Variants in RBMS3 observed in about 807,000 individuals in gnomAD.
The protein encoded by RBMS3 is RNA binding motif single stranded interacting protein 3, also known as RNA-binding motif, single-stranded-interacting protein 3.
Under a neutral mutation model 66.8 loss-of-function variants are expected in RBMS3, and 27 were observed. The observed-to-expected ratio is 0.40, with a 90% CI of 0.30 to 0.56. RBMS3 has a LOEUF of 0.56. Among genes scored for constraint, RBMS3 ranks in the 20% least tolerant of loss-of-function variants. The pLI, the probability that RBMS3 is intolerant of heterozygous loss-of-function variation, is 0.40. For synonymous variants in RBMS3, 188 were observed against 183.0 expected (o/e 1.03, Z -0.22); for missense variants, 513 against 549.5 (o/e 0.93, Z 0.66).
chr3:29,756,562 A>T (rs2055423458), intron 5 of RBMS3, among the ~76,000 whole-genome samples: 2 of 151,980 alleles, frequency 1.3e-5, no homozygotes, highest in Admixed American at 6.5e-5. Flanking sequence ...TGAGAACAGC[A>T]CAGAAAAAAA....
rs372628203 is a variant in RBMS3, at chr3:29,910,055, A to C, written c.939+10300A>C. On this transcript the variant is annotated intron_variant, in intron 10 of 14. Transcript: ENST00000383767. ...GTATCACAGCTTTGCCAGTTCCTTC[A>C]TAAAGATGTAGATGATGTTACTTCC... 5.9e-5 allele frequency among the ~76,000 whole-genome samples: 9 copies of C among 152,248 alleles called. No individual in the cohort carries two copies. The East Asian group carries it at 1.4e-3, about 23-fold the overall frequency.
At chr3:29,713,797 G>A (rs2053271615) in intron 4 of RBMS3, among the ~76,000 whole-genome samples, 1 of 152,172 alleles carries the variant, frequency 6.6e-6, no homozygotes, top group East Asian at 1.9e-4. Context: ...GCTCACATCA[G>A]TAATCCCAGC....
chr3:29,512,973 T>C (rs1002932626), intron 3 of RBMS3, among the ~76,000 whole-genome samples: 4 of 152,204 alleles, frequency 2.6e-5, no homozygotes, highest in Admixed American at 6.5e-5. Context: ...TAGGTTCCAC[T>C]TGAGAGGTAA....
intron 1 of RBMS3, among the ~76,000 whole-genome samples, chr3:29,343,423 T>A (rs2036395399): frequency 1.3e-5 from 2 of 152,100 alleles, no homozygotes; most frequent in South Asian, 4.1e-4. Flanking sequence ...TTAGTCTGAG[T>A]GAATTATTTT....
intron 4 of RBMS3, among the ~76,000 whole-genome samples, chr3:29,681,235 G>A (rs1036815310): frequency 1.3e-5 from 2 of 152,106 alleles, no homozygotes; most frequent in African/African-American, 4.8e-5. Context: ...ATTAGTGTAA[G>A]AATGAAAAAA....
chr3:29,343,588 A>G (rs1431224954), intron 1 of RBMS3, among the ~76,000 whole-genome samples: 9 of 152,288 alleles, frequency 5.9e-5, no homozygotes, highest in Admixed American at 4.6e-4. Context: ...AGAAAAAAAA[A>G]TGTTCCTAAC....
At chr3:29,922,447 ACTGCAGT>A (rs1323656555) in intron 10 of RBMS3, among the ~76,000 whole-genome samples, 10 of 144,428 alleles carry the variant, frequency 6.9e-5, no homozygotes, top group African/African-American at 2.1e-4. Context: ...AGATTGCGCC[ACTGCAGT>A]CCGCAGTCCG....
intron 10 of RBMS3, among the ~76,000 whole-genome samples, chr3:29,933,689 A>T (rs1291024050): frequency 6.6e-6 from 1 of 152,124 alleles, no homozygotes; most frequent in African/African-American, 2.4e-5. Flanking sequence ...GCTTAGAAAG[A>T]ACTGTTCATT....
At chr3:29,635,669 G>A (rs2049447439) in intron 4 of RBMS3, among the ~76,000 whole-genome samples, 2 of 151,858 alleles carry the variant, frequency 1.3e-5, no homozygotes, top group African/African-American at 2.4e-5. Context: ...GCCAGCATGC[G>A]ATAGATGCAT....
chr3:29,675,721 CAAT>C (rs1278807844), intron 4 of RBMS3, among the ~76,000 whole-genome samples: 1 of 152,200 alleles, frequency 6.6e-6, no homozygotes, highest in Admixed American at 6.5e-5. Flanking sequence ...ATCAAAACCA[CAAT>C]GAGATTCCAT....
At chr3:29,796,869 C>T (rs1283413836) in intron 6 of RBMS3, among the ~76,000 whole-genome samples, 3 of 151,984 alleles carry the variant, frequency 2.0e-5, no homozygotes, top group African/African-American at 7.3e-5. Flanking sequence ...CACCCCACCA[C>T]ACCTGGCTAA....
intron 4 of RBMS3, among the ~76,000 whole-genome samples, chr3:29,604,232 A>T (rs2048245325): frequency 6.6e-6 from 1 of 151,998 alleles, no homozygotes; most frequent in Non-Finnish European, 1.5e-5. Context: ...TATTGTAACT[A>T]GCAATATAAT....
intron 9 of RBMS3, 30 bp from the exon 10 acceptor site, chr3:29,899,675 T>G (rs371045586): frequency 6.2e-7 from 1 of 1,602,124 alleles, no homozygotes. Context: ...TATGATTGCT[T>G]TGTGCTAATA....
chr3:29,425,045 T>C (rs1575778614), intron 1 of RBMS3, among the ~76,000 whole-genome samples: 1 of 151,942 alleles, frequency 6.6e-6, no homozygotes, highest in East Asian at 1.9e-4. Flanking sequence ...GGTGTACATT[T>C]TAAAAAAGCT....
rs201650644 is a variant in RBMS3, at chr3:29,625,697, A to AAAGTAAGT, written c.399+38498_399+38499insGTAAGTAA. The stretch of plus-strand genomic sequence containing the variant: ...TGGGCAAAAAGAGTGAAACGCCATT[A>AAAGTAAGT]AAGTAAATAAATAAATAAATAAATA... On this transcript the variant is annotated intron_variant, in intron 4 of 14. Coordinates refer to ENST00000383767, the MANE Select transcript of RBMS3 (RefSeq NM_001003793.3). Among the ~76,000 whole-genome samples the AAAGTAAGT allele has an allele frequency of 1.3e-4, 16 of 125,018 alleles. 1 individual carries two copies. The highest frequency in any genetic ancestry group is 3.8e-3 in the Middle Eastern group (1 of 264). The allele number at this position is 125,018 out of a possible 152,430, so 82.0% of individuals were successfully genotyped here.
At chr3:29,283,492 AAG>A (rs1373383127) in intron 1 of RBMS3, among the ~76,000 whole-genome samples, 8 of 152,108 alleles carry the variant, frequency 5.3e-5, no homozygotes, top group Admixed American at 5.2e-4. Flanking sequence ...ATGGGGGGTA[AAG>A]AGAGAGAGTG....
At chr3:29,855,259 A>T (rs2059040850) in intron 6 of RBMS3, among the ~76,000 whole-genome samples, 1 of 152,184 alleles carries the variant, frequency 6.6e-6, no homozygotes, top group African/African-American at 2.4e-5. Context: ...GAGTTGTGAA[A>T]ATTAAGTCTA....
intron 1 of RBMS3, among the ~76,000 whole-genome samples, chr3:29,425,508 T>C (rs1207032248): frequency 1.3e-5 from 2 of 151,434 alleles, no homozygotes; most frequent in Non-Finnish European, 2.9e-5. Context: ...TGTGGTGGAC[T>C]GCACCTATAA....
chr3:29,327,568 T>A (rs1029419141), intron 1 of RBMS3, among the ~76,000 whole-genome samples: 7 of 152,216 alleles, frequency 4.6e-5, no homozygotes, highest in African/African-American at 2.4e-5. Flanking sequence ...ATATAATAGC[T>A]TAATAGCCTA....
Sources: gnomAD v4.1 joint callset for allele counts (sites outside exome capture counted in the v4.1 genomes callset) on GRCh38, gnomAD v4.1.1 for gene constraint, MANE v1.5 for transcripts, NCBI Gene and HGNC (gene_info 2026-07-23, HGNC 2026-07-21) for gene names.